Variants in F5 observed in about 807,000 individuals in gnomAD.
The protein encoded by F5 is activated protein c cofactor.
Under a neutral mutation model 216.4 loss-of-function variants are expected in F5, and 138 were observed. That is an observed-to-expected ratio of 0.64 (90% CI 0.56 to 0.73). The LOEUF (loss-of-function observed/expected upper bound fraction) is 0.73, where lower values mean the gene tolerates loss of function less well. Ranked by LOEUF, F5 falls within the 30% of genes least tolerant of loss-of-function variation. F5 has a pLI of 0.00. For synonymous variants in F5, 916 were observed against 930.7 expected (o/e 0.98, Z 0.29); for missense variants, 2,403 against 2,674.0 (o/e 0.90, Z 2.24).
intron 13 of F5, among the ~76,000 whole-genome samples, chr1:169,539,690 G>C (rs1659787957): frequency 6.6e-6 from 1 of 152,162 alleles, no homozygotes; most frequent in Admixed American, 6.6e-5. Context: ...GACAGCTGAT[G>C]CACAGTCATC....
chr1:169,559,300 T>C lies in F5; in HGVS notation c.587-4A>G, dbSNP rs1660405726. Reference sequence around the variant, plus strand: ...GTCCCACCCTCAGTTAGGGTCCCTATGAAAGGAAAGACATGTTTTCAGTAG... The same window carrying C: ...GTCCCACCCTCAGTTAGGGTCCCTACGAAAGGAAAGACATGTTTTCAGTAG... On this transcript the variant is annotated splice_region_variant and splice_polypyrimidine_tract_variant and intron_variant, in intron 4 of 24. Transcript: ENST00000367797. 5 of 1,613,372 alleles carry C rather than the reference T, an allele frequency of 3.1e-6. No homozygotes were observed. Among genetic ancestry groups the C allele is most frequent in the African/African-American group, 1.3e-5 (1 of 74,878 alleles).
intron 13 of F5, among the ~76,000 whole-genome samples, chr1:169,539,816 C>T (rs1458346797): frequency 6.6e-6 from 1 of 152,066 alleles, no homozygotes; most frequent in African/African-American, 2.4e-5. Context: ...GCTTTCTACC[C>T]CTAAGCAAAA....
chr1:169,547,321 C>A lies in F5; in HGVS notation c.1612-729G>T, dbSNP rs931790624. Among the ~76,000 whole-genome samples, 4 of 152,250 alleles carry A rather than the reference C, an allele frequency of 2.6e-5. No individual in the cohort carries two copies. In the South Asian group the frequency reaches 8.3e-4, roughly 32 times the overall value. On this transcript the variant is annotated intron_variant, in intron 10 of 24. Coordinates refer to ENST00000367797, the MANE Select transcript of F5 (RefSeq NM_000130.5). Reference sequence around the variant, plus strand: ...ACGAACATGCCAAAAGCAATAGCAACAAAAGCAAAAATTGTCAAATGGGAT... The same window carrying A: ...ACGAACATGCCAAAAGCAATAGCAAAAAAAGCAAAAATTGTCAAATGGGAT...
intron 2 of F5, among the ~76,000 whole-genome samples, chr1:169,578,728 T>C (rs1660919964): frequency 6.6e-6 from 1 of 152,178 alleles, no homozygotes; most frequent in Non-Finnish European, 1.5e-5. Flanking sequence ...GACTCTGTGA[T>C]ATAGGACAGG....
intron 5 of F5, among the ~76,000 whole-genome samples, 164 bp from the exon 6 acceptor site, chr1:169,557,031 GAC>G (rs1415783132): frequency 6.6e-6 from 1 of 152,098 alleles, no homozygotes; most frequent in East Asian, 1.9e-4. Flanking sequence ...TGCAAAAGCA[GAC>G]ATCTGAGTGA....
rs372473794 is a variant in F5, at chr1:169,512,579, G to T, written c.*1734C>A. 9.9e-5 allele frequency among the ~76,000 whole-genome samples: 15 copies of T among 152,140 alleles called. No homozygotes were observed. Among genetic ancestry groups the T allele is most frequent in the African/African-American group, 3.6e-4 (15 of 41,538 alleles). On this transcript the variant is annotated 3_prime_UTR_variant, in exon 25 of 25. Coordinates refer to ENST00000367797, the MANE Select transcript of F5 (RefSeq NM_000130.5). ...ACAGATCACACACATCCAAGAAGCT[G>T]GCCCTGTAGAAAACAAAGAAATGTT...
chr1:169,525,267 G>C (rs898860845), intron 18 of F5, among the ~76,000 whole-genome samples: 6 of 152,164 alleles, frequency 3.9e-5, no homozygotes, highest in South Asian at 2.1e-4. Context: ...GAGGCCGAGG[G>C]GGGAGGATTA....
rs1214351503 is a variant in F5 at position 169,559,892 on chromosome 1, G to A, written c.587-596C>T. Reference sequence around the variant, plus strand: ...ATACATTGGGCATGTATGTAGGTATGGCCTGAGCGTGTATGTATAGGCAGA... The same window carrying A: ...ATACATTGGGCATGTATGTAGGTATAGCCTGAGCGTGTATGTATAGGCAGA... On this transcript the variant is annotated intron_variant, in intron 4 of 24. Transcript: ENST00000367797. Among the ~76,000 whole-genome samples, 3 of 129,822 alleles carry A rather than the reference G, an allele frequency of 2.3e-5. No homozygotes were observed. The East Asian group carries it at 1.0e-3, about 45-fold the overall frequency. The allele number at this position is 129,822 out of a possible 152,430, so 85.2% of individuals were successfully genotyped here. A position where few individuals can be genotyped will look rare whatever the true frequency, so the allele number is the denominator to read the frequency against.
chr1:169,556,845 G>C lies in F5; in HGVS notation c.753C>G (p.Asp251Glu). 1 of 1,613,994 alleles carries C rather than the reference G, an allele frequency of 6.2e-7. No individual in the cohort carries two copies. Among genetic ancestry groups the C allele is most frequent in the Non-Finnish European group, 8.5e-7 (1 of 1,179,980 alleles). The change falls in exon 6 of 25, where the codon GAC becomes GAG. Residue 251 changes from aspartate to glutamate, a missense_variant. Physicochemically the swap from Asp to Glu is conservative, Grantham distance 45. Around this residue, in one of 4 missense-constraint regions of F5, gnomAD observed 1,425 missense variants for 1,554.8 expected, o/e 0.92. Coordinates refer to ENST00000367797, the MANE Select transcript of F5 (RefSeq NM_000130.5). ...TTCCCAGCAGATGCCAGCTGATGTG[G>C]TCATGGGCACAAACTGTTATATCTG... ...TMPDITVCAH[D>E]HISWHLLGMS...
intron 19 of F5, 87 bp downstream of exon 19, chr1:169,524,750 A>T: frequency 9.0e-7 from 1 of 1,109,092 alleles, no homozygotes; most frequent in Non-Finnish European, 1.4e-6. Context: ...ACTGATTCAT[A>T]GATAGGATTG....
In F5 at chr1:169,542,729, A is replaced by G; in HGVS notation, c.2361T>C (p.Thr787=). The part of the protein sequence containing the change: ...YSSPSNISKF[T]VNNLAEPQKA... ...TCTGAGGTTCTGCAAGGTTATTGACAGTGAACTTACTAATATTACTTGGGG... is the reference window on the plus strand; with the variant it reads ...TCTGAGGTTCTGCAAGGTTATTGACGGTGAACTTACTAATATTACTTGGGG... The change falls in exon 13 of 25, where the codon ACT becomes ACC. Residue 787 remains threonine (T), a synonymous_variant. Transcript: ENST00000367797. 6.2e-7 allele frequency: 1 copy of G among 1,614,164 alleles called. No individual in the cohort carries two copies. Among genetic ancestry groups the G allele is most frequent in the Non-Finnish European group, 8.5e-7 (1 of 1,180,000 alleles).
In F5 at chr1:169,550,672, T is replaced by A. The variant is rs891039967; in HGVS notation, c.1364A>T (p.Tyr455Phe). The A allele has an allele frequency of 3.1e-6, 5 of 1,613,914 alleles. No homozygotes were observed. The highest frequency in any genetic ancestry group is 4.2e-6 in the Non-Finnish European group (5 of 1,179,932). The stretch of plus-strand genomic sequence containing the variant: ...GAAAGAAGAGTTGACTTCATCTTCA[T>A]AAGGCGAGAAGGTCACTCCATGAGG... ...IYPHGVTFSP[Y>F]EDEVNSSFTS... The change falls in exon 9 of 25, where the codon TAT becomes TTT. Residue 455 changes from tyrosine to phenylalanine, a missense_variant. Physicochemically the swap from Tyr to Phe is conservative, Grantham distance 22 (BLOSUM62 3). Transcript: ENST00000367797.
intron 23 of F5, among the ~76,000 whole-genome samples, chr1:169,517,403 G>C (rs9332666): frequency 0.95 from 145,307 of 152,232 alleles, 69,402 homozygotes; most frequent in East Asian, 1. Context: ...TTCTATTTAC[G>C]CCACCAGCAC....
chr1:169,543,157 G>A (rs748151217), intron 12 of F5, 43 bp from the exon 13 acceptor site: 4 of 1,554,354 alleles, frequency 2.6e-6, no homozygotes, highest in African/African-American at 1.4e-5. Context: ...GGAAGTCTGG[G>A]AAAAGACATG....
chr1:169,582,671 T>C (rs1273941949), intron 1 of F5, 149 bp from the exon 2 acceptor site: 3 of 503,392 alleles, frequency 6.0e-6, no homozygotes, highest in African/African-American at 3.9e-5. Context: ...TTTATAAATA[T>C]GATCAATAAG....
Position 169,560,720 on chromosome 1 carries a change from G to A in F5, c.420C>T (p.Asp140=), listed in dbSNP as rs757003471. The change falls in exon 4 of 25, where the codon GAC becomes GAT. Residue 140 remains aspartate, a synonymous_variant. Coordinates refer to ENST00000367797, the MANE Select transcript of F5 (RefSeq NM_000130.5). ...TGTATTCTCGGCCTGGAGCCACAGC[G>A]TCGTCCATCTTCTCCGCAGGGAATG... ...DHTFPAEKMD[D]AVAPGREYTY... is the part of the protein sequence containing the mutation. The A allele has an allele frequency of 1.2e-5, 19 of 1,613,308 alleles. No homozygotes were observed. Among genetic ancestry groups the A allele is most frequent in the African/African-American group, 2.7e-5 (2 of 74,968 alleles).
chr1:169,541,237 G>A lies in F5; in HGVS notation c.3853C>T (p.Leu1285Phe). 1.2e-6 allele frequency: 2 copies of A among 1,603,766 alleles called. No homozygotes were observed. The highest frequency in any genetic ancestry group is 1.7e-6 in the Non-Finnish European group (2 of 1,175,692). The change falls in exon 13 of 25, where the codon CTT (leucine) becomes TTT (phenylalanine). Residue 1285 changes from leucine to phenylalanine, a missense_variant. Physicochemically the swap from Leu to Phe is conservative, Grantham distance 22 (BLOSUM62 0). Around this residue, in one of 4 missense-constraint regions of F5, gnomAD observed 1,425 missense variants for 1,554.8 expected, o/e 0.92. Coordinates refer to ENST00000367797, the MANE Select transcript of F5 (RefSeq NM_000130.5). Reference protein sequence around the residue: ...PLSPDLSHTTLSLDFSQTNLS... With the variant: ...PLSPDLSHTTFSLDFSQTNLS... ...TTTGTCTGGCTGAAGTCTAGAGAAA[G>A]GGTTGTATGGCTGAGGTCTGGAGAA...
At chr1:169,533,151 C>T (rs1659628050) in intron 14 of F5, among the ~76,000 whole-genome samples, 1 of 151,924 alleles carries the variant, frequency 6.6e-6, no homozygotes, top group African/African-American at 2.4e-5. Context: ...GGGAAAAGGA[C>T]TCATATTTAA....
At position 169,577,589 on chromosome 1, in the gene F5, ATATATATATATATATG is replaced by A. The variant is rs1371722931; in HGVS notation, c.250+4826_250+4841del. On this transcript the variant is annotated intron_variant, in intron 2 of 24. Transcript: ENST00000367797. The stretch of plus-strand genomic sequence containing the variant: ...TATATATATATATATATATATATAT[ATATATATATATATATG>A]TATGTATTTTTTTAAATAGAAACAG... Among the ~76,000 whole-genome samples, 116 of 109,992 alleles carry A rather than the reference ATATATATATATATATG, an allele frequency of 1.1e-3. 1 individual carries two copies. The highest frequency in any genetic ancestry group is 1.6e-3 in the Non-Finnish European group (89 of 56,416). 72.2% of individuals were successfully genotyped at this position (109,992 alleles called of 152,430 possible). A position where few individuals can be genotyped will look rare whatever the true frequency, so the allele number is the denominator to read the frequency against.
Sources: gnomAD v4.1 joint callset for allele counts (sites outside exome capture counted in the v4.1 genomes callset) on GRCh38, gnomAD v4.1.1 for gene constraint, gnomAD v4.1.1 regional missense constraint, MANE v1.5 for transcripts, NCBI Gene and HGNC (gene_info 2026-07-23, HGNC 2026-07-21) for gene names.